The following SPATA20 variants were observed in gnomAD, a reference collection of about 807,000 sequenced individuals.
SPATA20 encodes spermatogenesis-associated protein 20.
A neutral mutation model predicts 98.9 loss-of-function variants in SPATA20; 74 were observed. The observed-to-expected ratio is 0.75, with a 90% CI of 0.62 to 0.91. The LOEUF (loss-of-function observed/expected upper bound fraction) is 0.91. SPATA20 is among the 40% of genes least tolerant of loss of function. The pLI is 0.00. For synonymous variants in SPATA20, 430 were observed against 440.5 expected, an observed-to-expected ratio of 0.98 and a Z score of 0.30; for missense variants, 1,016 against 1,069.8, an observed-to-expected ratio of 0.95 and a Z score of 0.70.
chr17:50,553,416 A>T (rs980355208), intron 14 of SPATA20, among the ~76,000 whole-genome samples: 1 of 151,866 alleles, frequency 6.6e-6, no homozygotes, highest in East Asian at 1.9e-4. Context: ...GGCCATGGAG[A>T]AGCTGTGGAG....
chr17:50,548,338 A>T lies in SPATA20; in HGVS notation c.181A>T (p.Met61Leu). The T allele has an allele frequency of 6.2e-7, 1 of 1,613,896 alleles. No individual in the cohort carries two copies. Among genetic ancestry groups the T allele is most frequent in the Non-Finnish European group, 8.5e-7 (1 of 1,179,964 alleles). ...TGCGACGGTCAGTAGTTCAGTGCCC[A>T]TGCCTGCTGGAGGGAAAGGAAGCCA... ...RSATVSSSVP[M>L]PAGGKGSHPS... Residue 61 changes from methionine (M) to leucine (L), a missense_variant, in exon 3 of 17, where the codon ATG becomes TTG. Coordinates refer to ENST00000006658, the MANE Select transcript of SPATA20 (RefSeq NM_022827.4).
chr17:50,554,183 C>G (rs578037076), intron 14 of SPATA20, 68 bp from the exon 15 acceptor site: 1 of 1,473,118 alleles, frequency 6.8e-7, no homozygotes, highest in East Asian at 2.3e-5. Flanking sequence ...TGGATACAGT[C>G]CTGGGCAGGG....
In SPATA20 at chr17:50,551,111, A is replaced by G; in HGVS notation, c.1497A>G (p.Ser499=). The change falls in exon 12 of 17, where the codon TCA becomes TCG. Residue 499 remains serine, a synonymous_variant. Transcript: ENST00000006658. ...DVEAVRTLLN[S]GLEKLFQARK... ...AGGCCGTGCGGACCTTGCTCAATTC[A>G]GGGCTGGAGAAGCTCTTCCAGGCCC... 6.2e-7 allele frequency: 1 copy of G among 1,612,000 alleles called. No individual in the cohort carries two copies. Among genetic ancestry groups the G allele is most frequent in the Non-Finnish European group, 8.5e-7 (1 of 1,179,964 alleles).
At position 50,548,849 on chromosome 17, in the gene SPATA20, A is replaced by G; in HGVS notation, c.401A>G (p.Glu134Gly). ...STCHWCHMME[E>G]ESFQNEEIGR... Reference sequence around the variant, plus strand: ...TGCCACTGGTGCCACATGATGGAAGAGGAGTCCTTCCAGAATGAGGAGATT... The same window carrying G: ...TGCCACTGGTGCCACATGATGGAAGGGGAGTCCTTCCAGAATGAGGAGATT... The change falls in exon 5 of 17, where the codon GAG (glutamate) becomes GGG (glycine). Residue 134 changes from glutamate to glycine, a missense_variant. By Grantham distance (98) the Glu-to-Gly change is moderately conservative. Transcript: ENST00000006658. 1 of 1,614,098 alleles carries G rather than the reference A, an allele frequency of 6.2e-7. No homozygotes were observed. Among genetic ancestry groups the G allele is most frequent in the Non-Finnish European group, 8.5e-7 (1 of 1,179,986 alleles).
At chr17:50,552,714 A>G (rs1014244579) in intron 14 of SPATA20, among the ~76,000 whole-genome samples, 4 of 151,094 alleles carry the variant, frequency 2.6e-5, no homozygotes, top group African/African-American at 7.3e-5. Flanking sequence ...GGCATGCACC[A>G]CCATGCCTGG....
intron 4 of SPATA20, 63 bp downstream of exon 4, chr17:50,548,681 G>T: frequency 1.3e-6 from 2 of 1,595,380 alleles, no homozygotes; most frequent in Admixed American, 1.7e-5. Context: ...ATGGGGGAGG[G>T]TCCTCTCGGC....
At chr17:50,553,031 A>G (rs1300045088) in intron 14 of SPATA20, among the ~76,000 whole-genome samples, 1 of 152,224 alleles carries the variant, frequency 6.6e-6, no homozygotes, top group Non-Finnish European at 1.5e-5. Context: ...GGTAGGGGAG[A>G]CAGCGAAAAT....
chr17:50,548,395 C>A lies in SPATA20; in HGVS notation c.238C>A (p.Arg80Ser), dbSNP rs767728113. ...ATCTACACCCCAGAGGGTCCCCAAC[C>A]GCCTGATCCACGAGAAGTCACCATA... ...PSSTPQRVPN[R>S]LIHEKSPYLL... Residue 80 changes from arginine (R) to serine (S), a missense_variant, in exon 3 of 17, where the codon CGC becomes AGC. Coordinates refer to ENST00000006658, the MANE Select transcript of SPATA20 (RefSeq NM_022827.4). 2 of 1,614,042 alleles carry A rather than the reference C, an allele frequency of 1.2e-6. No individual in the cohort carries two copies. Among genetic ancestry groups the A allele is most frequent in the Non-Finnish European group, 8.5e-7 (1 of 1,179,984 alleles).
At chr17:50,552,208 G>C in intron 14 of SPATA20, 28 bp downstream of exon 14, 1 of 1,598,730 alleles carries the variant, frequency 6.3e-7, no homozygotes, top group Non-Finnish European at 8.6e-7. Context: ...GCTAGTCTGG[G>C]GTCCTGGGAG....
intron 16 of SPATA20, 69 bp from the exon 17 acceptor site, chr17:50,555,423 G>A (rs2035101241): frequency 1.2e-6 from 2 of 1,602,776 alleles, no homozygotes; most frequent in Non-Finnish European, 1.7e-6. Context: ...GAACTTCCCA[G>A]TGGGCCTTTC....
intron 15 of SPATA20, among the ~76,000 whole-genome samples, chr17:50,554,924 TGTGTG>T: frequency 1.7e-5 from 2 of 115,524 alleles, no homozygotes; most frequent in South Asian, 4.8e-4. Flanking sequence ...TGTGTGTGTG[TGTGTG>T]ACTACTCTGT....
In SPATA20 at chr17:50,549,328, G is replaced by A. The variant is rs754170327; in HGVS notation, c.703G>A (p.Val235Ile). ...CACCCTGCTAGAAAATAGCCAGCGT[G>A]TCACCACTGCCCTGCTGGCCCGATC... ...KNTLLENSQR[V>I]TTALLARSEI... is the part of the protein sequence containing the mutation. The change falls in exon 7 of 17, where the codon GTC becomes ATC. Residue 235 changes from valine (V) to isoleucine (I), a missense_variant. By Grantham distance (29) the Val-to-Ile change is conservative. Transcript: ENST00000006658. 1.2e-6 allele frequency: 2 copies of A among 1,612,536 alleles called. No homozygotes were observed. Among genetic ancestry groups the A allele is most frequent in the Non-Finnish European group, 1.7e-6 (2 of 1,179,918 alleles).
rs141959741 is a variant in SPATA20, at chr17:50,551,155, C to T, written c.1541C>T (p.Pro514Leu). Residue 514 changes from proline to leucine, a missense_variant, in exon 12 of 17, where the codon CCG (proline) becomes CTG (leucine). Pro to Leu is a moderately conservative substitution (Grantham distance 98). Coordinates refer to ENST00000006658, the MANE Select transcript of SPATA20 (RefSeq NM_022827.4). ...CAGGCCCGGAAGCATCGGCCCAAGC[C>T]GCACCTGGACAGCAAGATGCTGGCT... is the stretch of plus-strand genomic sequence containing the variant. ...LFQARKHRPK[P>L]HLDSKMLAAW... The T allele has an allele frequency of 4.5e-5, 72 of 1,609,788 alleles. No individual in the cohort carries two copies. Among genetic ancestry groups the T allele is most frequent in the African/African-American group, 2.7e-5 (2 of 74,874 alleles).
chr17:50,549,044 C>T lies in SPATA20; in HGVS notation c.518C>T (p.Ala173Val), dbSNP rs770283091. 10 of 1,613,766 alleles carry T rather than the reference C, an allele frequency of 6.2e-6. No individual in the cohort carries two copies. Among genetic ancestry groups the T allele is most frequent in the Non-Finnish European group, 8.5e-6 (10 of 1,179,954 alleles). ...TCACCCTCGCCCTCTCTCCGCCAGG[C>T]CACCAGCAGCGGCGGGGGCTGGCCC... Reference protein sequence around the residue: ...VDKVYMTFVQATSSGGGWPMN... With the variant: ...VDKVYMTFVQVTSSGGGWPMN... Residue 173 changes from alanine (A) to valine (V), a missense_variant and splice_region_variant, in exon 6 of 17, where the codon GCC becomes GTC. Physicochemically the swap from Ala to Val is moderately conservative, Grantham distance 64. Coordinates refer to ENST00000006658, the MANE Select transcript of SPATA20 (RefSeq NM_022827.4).
At chr17:50,550,455 G>A in intron 9 of SPATA20, 81 bp from the exon 10 acceptor site, 1 of 1,463,322 alleles carries the variant, frequency 6.8e-7, no homozygotes, top group Non-Finnish European at 9.6e-7. Flanking sequence ...TCCCCCGCCT[G>A]CCTCAGAGAA....
At chr17:50,549,587 C>T in intron 7 of SPATA20, 100 bp downstream of exon 7, 1 of 1,247,092 alleles carries the variant, frequency 8.0e-7, no homozygotes, top group Non-Finnish European at 1.1e-6. Context: ...GCTTCCTGTC[C>T]TCCTGACTGG....
At chr17:50,548,256 C>A in intron 2 of SPATA20, 27 bp from the exon 3 acceptor site, 1 of 1,608,936 alleles carries the variant, frequency 6.2e-7, no homozygotes, top group Admixed American at 1.7e-5. Context: ...AGGCCCCTGG[C>A]TTGCCTGATG....
At chr17:50,553,219 A>T (rs2240218) in intron 14 of SPATA20, among the ~76,000 whole-genome samples, 59,978 of 152,208 alleles carry the variant, frequency 0.39, 14,866 homozygotes, top group African/African-American at 0.7. Flanking sequence ...ACTTTCTGCC[A>T]CTGTTGTATC....
intron 14 of SPATA20, among the ~76,000 whole-genome samples, chr17:50,552,963 T>C (rs1490053531): frequency 6.6e-6 from 1 of 152,226 alleles, no homozygotes; most frequent in Non-Finnish European, 1.5e-5. Flanking sequence ...CTGACACCCA[T>C]GGATTCAGAT....
Sources: allele counts gnomAD v4.1 joint callset (sites outside exome capture counted in the v4.1 genomes callset), GRCh38; gene constraint gnomAD v4.1.1; transcripts MANE v1.5; gene names NCBI Gene and HGNC (gene_info 2026-07-23, HGNC 2026-07-21).